The following HSPA9 variants were observed in gnomAD, a reference collection of about 807,000 sequenced individuals.
HSPA9 encodes the protein stress-70 protein, mitochondrial.
In HSPA9, 28 loss-of-function variants were observed where a neutral mutation model predicts 81.5. That is an observed-to-expected ratio of 0.34 (90% confidence interval 0.25 to 0.47). The LOEUF (loss-of-function observed/expected upper bound fraction) is 0.47. HSPA9 is among the 20% of genes least tolerant of loss of function. The pLI is 1.00. For synonymous variants in HSPA9, 293 were observed against 290.4 expected (o/e 1.01, Z -0.09); for missense variants, 678 against 838.0 (o/e 0.81, Z 2.36).
chr5:138,568,703 C>A (rs759665668), intron 5 of HSPA9, among the ~76,000 whole-genome samples: 6 of 151,892 alleles, frequency 4.0e-5, no homozygotes, highest in Non-Finnish European at 8.8e-5. Context: ...AACATTACCC[C>A]CTACTGGAAA....
chr5:138,574,420 C>G (rs547552529), intron 1 of HSPA9, among the ~76,000 whole-genome samples: 7 of 152,162 alleles, frequency 4.6e-5, no homozygotes, highest in Non-Finnish European at 7.3e-5. Flanking sequence ...CCCTAGAAAC[C>G]AATAAGCACC....
chr5:138,562,866 C>T (rs1487410590), intron 9 of HSPA9, among the ~76,000 whole-genome samples: 1 of 152,216 alleles, frequency 6.6e-6, no homozygotes, highest in African/African-American at 2.4e-5. Flanking sequence ...TACAGACATG[C>T]TCTCATTAAT....
chr5:138,555,038 G>C lies in HSPA9; in HGVS notation c.*999C>G, dbSNP rs1470766104. ...AATAGCCACCTTGGTTTTCATGTTA[G>C]AGATCTAAAAACTTTCATGTTAGAG... On this transcript the variant is annotated 3_prime_UTR_variant, in exon 17 of 17. Coordinates refer to ENST00000297185, the MANE Select transcript of HSPA9 (RefSeq NM_004134.7). 7.1e-6 allele frequency: 1 copy of C among 141,770 alleles called. No homozygotes were observed. The highest frequency in any genetic ancestry group is 1.5e-5 in the Non-Finnish European group (1 of 67,876). 8.8% of individuals were successfully genotyped at this position (141,770 alleles called of 1,614,324 possible). A position where few individuals can be genotyped will look rare whatever the true frequency, so the allele number is the denominator to read the frequency against.
chr5:138,568,246 C>T (rs532077489), intron 5 of HSPA9, among the ~76,000 whole-genome samples: 1 of 152,058 alleles, frequency 6.6e-6, no homozygotes, highest in Non-Finnish European at 1.5e-5. Flanking sequence ...CCTGTAATCC[C>T]AGCACTCTGA....
In HSPA9 at chr5:138,556,562, T is replaced by C. The variant is rs1225324381; in HGVS notation, c.1852A>G (p.Met618Val). 2 of 1,614,138 alleles carry C rather than the reference T, an allele frequency of 1.2e-6. No homozygotes were observed. The highest frequency in any genetic ancestry group is 3.3e-5 in the Admixed American group (2 of 60,032). ...TCTTTTCTAGCCAGGAGCTCCCTCA[T>C]TTTGGAAATCTCTTCTTTCAGCTTG... ...CNKLKEEISK[M>V]RELLARKDSE... Residue 618 changes from methionine to valine, a missense_variant, in exon 16 of 17, where the codon ATG becomes GTG. Physicochemically the swap from Met to Val is conservative, Grantham distance 21. This residue lies in a region of HSPA9 where 100 missense variants were observed against 99.5 expected (regional missense o/e 1.00). Coordinates refer to ENST00000297185, the MANE Select transcript of HSPA9 (RefSeq NM_004134.7).
In HSPA9 at chr5:138,561,644, G is replaced by C. The variant is rs758416336; in HGVS notation, c.1118C>G (p.Ala373Gly). The change falls in exon 10 of 17, where the codon GCA (alanine) becomes GGA (glycine). Residue 373 changes from alanine to glycine, a missense_variant. Physicochemically the swap from Ala to Gly is moderately conservative, Grantham distance 60. This residue lies in a region of HSPA9 where 484 missense variants were observed against 647.5 expected (regional missense o/e 0.75). Coordinates refer to ENST00000297185, the MANE Select transcript of HSPA9 (RefSeq NM_004134.7). ...TCCTATGTCACTCTTGCTGACTTCT[G>C]CATCTTGCATAGCTTTTTGGCATGG... ...IAPCQKAMQD[A>G]EVSKSDIGEV... 6.2e-7 allele frequency: 1 copy of C among 1,614,020 alleles called. No individual in the cohort carries two copies. The highest frequency in any genetic ancestry group is 1.1e-5 in the South Asian group (1 of 91,078).
At chr5:138,573,057 A>G (rs1750944053) in intron 3 of HSPA9, among the ~76,000 whole-genome samples, 1 of 152,044 alleles carries the variant, frequency 6.6e-6, no homozygotes, top group South Asian at 2.1e-4. Flanking sequence ...CACTACGCCC[A>G]GCTAATTTTT....
chr5:138,554,918 C>T lies in HSPA9; in HGVS notation c.*1119G>A, dbSNP rs542686436. On this transcript the variant is annotated 3_prime_UTR_variant, in exon 17 of 17. Transcript: ENST00000297185. ...ATCTGGGTTCCTTTTATTTTTGAGC[C>T]ATAGAAATAGTATCTTAGGACTTAT... is the stretch of plus-strand genomic sequence containing the variant. 164 of 152,270 alleles carry T rather than the reference C, an allele frequency of 1.1e-3. 1 individual carries two copies. Among genetic ancestry groups the T allele is most frequent in the African/African-American group, 3.4e-3 (141 of 41,562 alleles). 9.4% of individuals were successfully genotyped at this position (152,270 alleles called of 1,614,324 possible).
rs1750787973 is a variant in HSPA9, at chr5:138,567,303, A to G, written c.717-140T>C. On this transcript the variant is annotated intron_variant, in intron 7 of 16. Transcript: ENST00000297185. ...TGTACTAGTTAAATTACCATGGCCC[A>G]AAAGAAAAGAAAAGAATGGTTTTGA... 24 of 950,946 alleles carry G rather than the reference A, an allele frequency of 2.5e-5. 1 individual carries two copies. In the Middle Eastern group the frequency reaches 1.2e-3, roughly 49 times the overall value. 58.9% of individuals were successfully genotyped at this position (950,946 alleles called of 1,614,324 possible). A position where few individuals can be genotyped will look rare whatever the true frequency, so the allele number is the denominator to read the frequency against.
At position 138,555,245 on chromosome 5, in the gene HSPA9, G is replaced by GT. The variant is rs1175156028; in HGVS notation, c.*791dup. The GT allele has an allele frequency of 4.6e-5, 7 of 152,108 alleles. No homozygotes were observed. Among genetic ancestry groups the GT allele is most frequent in the African/African-American group, 1.7e-4 (7 of 41,480 alleles). 9.4% of individuals were successfully genotyped at this position (152,108 alleles called of 1,614,324 possible). On this transcript the variant is annotated 3_prime_UTR_variant, in exon 17 of 17. Coordinates refer to ENST00000297185, the MANE Select transcript of HSPA9 (RefSeq NM_004134.7). ...TTTTTAACCAGTGTTAGCAAATCCT[G>GT]TATTTCCCTCTTTGGGAAATATGGG...
chr5:138,557,809 G>T, intron 13 of HSPA9, 60 bp downstream of exon 13: 1 of 962,016 alleles, frequency 1.0e-6, no homozygotes, highest in Non-Finnish European at 1.7e-6. Flanking sequence ...ATTCTAAGAG[G>T]GTCTATTCCC....
intron 1 of HSPA9, 78 bp from the exon 2 acceptor site, chr5:138,574,204 G>A (rs2127163604): frequency 1.0e-6 from 1 of 984,552 alleles, no homozygotes; most frequent in Non-Finnish European, 1.6e-6. Context: ...GGCTCACTTA[G>A]TATATAAAAT....
In HSPA9 at chr5:138,575,257, G is replaced by A. The variant is rs1035364541; in HGVS notation, c.62C>T (p.Pro21Leu). 6 of 1,608,568 alleles carry A rather than the reference G, an allele frequency of 3.7e-6. No individual in the cohort carries two copies. Among genetic ancestry groups the A allele is most frequent in the South Asian group, 1.1e-5 (1 of 90,234 alleles). The change falls in exon 1 of 17, where the codon CCT (proline) becomes CTT (leucine). Residue 21 changes from proline (P) to leucine (L), a missense_variant. This residue lies in a region of HSPA9 where 89 missense variants were observed against 70.4 expected (regional missense o/e 1.27). Transcript: ENST00000297185. ...CCTCACCTGGTGGCGGGCGGCCGTA[G>A]GGCCCCGGGAGGCTGCGGCGCCCAC... ...RLVGAAASRG[P>L]TAARHQDSWN...
At chr5:138,572,962 C>G (rs191811101) in intron 3 of HSPA9, among the ~76,000 whole-genome samples, 2 of 151,674 alleles carry the variant, frequency 1.3e-5, no homozygotes, top group East Asian at 1.9e-4. Flanking sequence ...GTGATGTGAT[C>G]TTGGCTCACT....
In HSPA9 at chr5:138,567,373, C is replaced by T. The variant is rs542844230; in HGVS notation, c.716+82G>A. Reference sequence around the variant, plus strand: ...TACAGACTTAAAATCAGTAAAAGCACTGTAAAAGGCTCAATTACTAAAAAA... The same window carrying T: ...TACAGACTTAAAATCAGTAAAAGCATTGTAAAAGGCTCAATTACTAAAAAA... On this transcript the variant is annotated intron_variant, in intron 7 of 16. Coordinates refer to ENST00000297185, the MANE Select transcript of HSPA9 (RefSeq NM_004134.7). 24 of 1,150,972 alleles carry T rather than the reference C, an allele frequency of 2.1e-5. No homozygotes were observed. In the African/African-American group the frequency reaches 3.2e-4, roughly 15 times the overall value. 71.3% of individuals were successfully genotyped at this position (1,150,972 alleles called of 1,614,324 possible). A position where few individuals can be genotyped will look rare whatever the true frequency, so the allele number is the denominator to read the frequency against.
intron 10 of HSPA9, 91 bp from the exon 11 acceptor site, chr5:138,560,182 G>C: frequency 1.1e-6 from 1 of 869,926 alleles, no homozygotes; most frequent in African/African-American, 1.7e-5. Flanking sequence ...CTCCCAGCCA[G>C]ATCTCAAGAC....
At position 138,566,687 on chromosome 5, in the gene HSPA9, G is replaced by T; in HGVS notation, c.911C>A (p.Ala304Glu). 1.2e-6 allele frequency: 2 copies of T among 1,613,902 alleles called. No homozygotes were observed. The highest frequency in any genetic ancestry group is 1.7e-6 in the Non-Finnish European group (2 of 1,179,816). ...TGVDLTKDNM[A>E]LQRVREAAEK... Reference sequence around the variant, plus strand: ...AGCAGCTTCCCGTACCCTCTGAAGTGCCATGTTGTCTTTAGTCAAATCAAC... The same window carrying T: ...AGCAGCTTCCCGTACCCTCTGAAGTTCCATGTTGTCTTTAGTCAAATCAAC... The change falls in exon 9 of 17, where the codon GCA becomes GAA. Residue 304 changes from alanine to glutamate, a missense_variant. By Grantham distance (107) the Ala-to-Glu change is moderately radical. Transcript: ENST00000297185.
At position 138,557,970 on chromosome 5, in the gene HSPA9, G is replaced by A; in HGVS notation, c.1532C>T (p.Ala511Val). 6.2e-7 allele frequency: 1 copy of A among 1,605,454 alleles called. No individual in the cohort carries two copies. The highest frequency in any genetic ancestry group is 8.5e-7 in the Non-Finnish European group (1 of 1,173,078). ...GQFTLIGIPP[A>V]PRGVPQIEVT... ...TTCAATCTGAGGAACTCCACGAGGG[G>A]CTGGTGGAATTCCAATCTAAAATAA... Residue 511 changes from alanine to valine, a missense_variant, in exon 13 of 17, where the codon GCC becomes GTC. This residue lies in a region of HSPA9 where 484 missense variants were observed against 647.5 expected (regional missense o/e 0.75). Transcript: ENST00000297185.
Position 138,566,997 on chromosome 5 carries a change from T to C in HSPA9, c.879+4A>G. 11 of 1,612,336 alleles carry C rather than the reference T, an allele frequency of 6.8e-6. No individual in the cohort carries two copies. The highest frequency in any genetic ancestry group is 7.6e-6 in the Non-Finnish European group (9 of 1,179,704). ...TCTACATATTAACCACATTGGTAAC[T>C]CACCTCTCTCTTGAACTCCTTCACA... is the stretch of plus-strand genomic sequence containing the variant. On this transcript the variant is annotated splice_donor_region_variant and intron_variant, in intron 8 of 16. Coordinates refer to ENST00000297185, the MANE Select transcript of HSPA9 (RefSeq NM_004134.7).
Sources: gnomAD v4.1 joint callset for allele counts (sites outside exome capture counted in the v4.1 genomes callset) on GRCh38, gnomAD v4.1.1 for gene constraint, gnomAD v4.1.1 regional missense constraint, MANE v1.5 for transcripts, NCBI Gene and HGNC (gene_info 2026-07-23, HGNC 2026-07-21) for gene names.